Variants in OCA2 observed in about 807,000 individuals in gnomAD.
OCA2 encodes P protein.
OCA2 carries 77 observed loss-of-function variants against 100.2 expected under a neutral mutation model. That is an observed-to-expected ratio of 0.77 (90% CI 0.64 to 0.93). The LOEUF (loss-of-function observed/expected upper bound fraction) is 0.93, where lower values mean the gene tolerates loss of function less well. OCA2 is among the 40% of genes least tolerant of loss of function. OCA2 has a pLI of 0.00. For synonymous variants in OCA2, 432 were observed against 439.2 expected (o/e 0.98, Z 0.21); for missense variants, 1,062 against 1,089.1 (o/e 0.98, Z 0.35).
intron 1 of OCA2, among the ~76,000 whole-genome samples, chr15:28,088,586 G>A (rs927485040): frequency 2.0e-5 from 3 of 152,172 alleles, no homozygotes; most frequent in Non-Finnish European, 4.4e-5. Flanking sequence ...AAGGGAAATA[G>A]TACAAAAGAG....
intron 18 of OCA2, among the ~76,000 whole-genome samples, chr15:27,945,116 A>G (rs189670591): frequency 6.6e-6 from 1 of 152,336 alleles, no homozygotes; most frequent in African/African-American, 2.4e-5. Context: ...CTTAGCTGAA[A>G]TGAATCTTAC....
At chr15:27,740,833 C>T in the OCA2 span, among the ~76,000 whole-genome samples, 4 of 152,340 alleles carry the variant, frequency 2.6e-5, no homozygotes, top group South Asian at 6.2e-4. Context: ...CCTACACAGT[C>T]AGCAGATCTG....
At chr15:28,069,678 G>A (rs978968856) in intron 2 of OCA2, among the ~76,000 whole-genome samples, 25 of 146,442 alleles carry the variant, frequency 1.7e-4, no homozygotes, top group Admixed American at 1.6e-3. Flanking sequence ...TGCCGGGATT[G>A]CAGACGGAGT....
At chr15:27,788,387 T>A (rs1373765181) in intron 23 of OCA2, among the ~76,000 whole-genome samples, 1 of 152,118 alleles carries the variant, frequency 6.6e-6, no homozygotes, top group Non-Finnish European at 1.5e-5. Context: ...GGTATATGTA[T>A]ATGAACAGTT....
chr15:28,014,717 A>G lies in OCA2; in HGVS notation c.1044+59T>C, dbSNP rs4640131. The G allele has an allele frequency of 0.064, 102,080 of 1,584,610 alleles. 5,111 individuals carry two copies. Among genetic ancestry groups the G allele is most frequent in the African/African-American group, 0.22 (16,344 of 74,500 alleles). ...TGAGCCCATCCAGAGTGTCTCACGG[A>G]TCTCAAGCCTCCCTGACTGTGGGCC... On this transcript the variant is annotated intron_variant, in intron 9 of 23. Transcript: ENST00000354638.
intron 19 of OCA2, among the ~76,000 whole-genome samples, chr15:27,898,871 T>C (rs1021541324): frequency 1.3e-5 from 2 of 152,208 alleles, no homozygotes; most frequent in Admixed American, 1.3e-4. Flanking sequence ...ATAAAAATTC[T>C]ACTGAACATG....
chr15:28,063,075 G>C (rs2043923629), intron 2 of OCA2, among the ~76,000 whole-genome samples: 1 of 152,148 alleles, frequency 6.6e-6, no homozygotes, highest in African/African-American at 2.4e-5. Context: ...GGATCAGTGT[G>C]CTGAAAATGT....
At chr15:27,814,915 GAT>G (rs2034224986) in intron 23 of OCA2, among the ~76,000 whole-genome samples, 5 of 149,472 alleles carry the variant, frequency 3.3e-5, no homozygotes, top group South Asian at 2.2e-4. Flanking sequence ...TAGATAGATA[GAT>G]AGATAGATAG....
intron 2 of OCA2, among the ~76,000 whole-genome samples, chr15:28,044,810 A>G (rs2043301384): frequency 6.6e-6 from 1 of 152,050 alleles, no homozygotes; most frequent in Non-Finnish European, 1.5e-5. Flanking sequence ...ACTTTTTCTG[A>G]TATTAATATA....
chr15:28,018,248 C>T, intron 7 of OCA2, 149 bp downstream of exon 7: 1 of 732,818 alleles, frequency 1.4e-6, no homozygotes, highest in Non-Finnish European at 2.3e-6. Context: ...ATTTCAAAGA[C>T]AAAGCAAAAG....
At chr15:27,849,555 T>G (rs1411877922) in intron 22 of OCA2, among the ~76,000 whole-genome samples, 1 of 118,272 alleles carries the variant, frequency 8.5e-6, no homozygotes, top group Non-Finnish European at 1.8e-5. Context: ...AAAAAAAAAG[T>G]TGTTTCAAAG....
intron 19 of OCA2, among the ~76,000 whole-genome samples, chr15:27,885,683 C>T (rs953757173): frequency 2.0e-5 from 3 of 152,098 alleles, no homozygotes; most frequent in Non-Finnish European, 2.9e-5. Flanking sequence ...TATAAGTACA[C>T]GTATTTCAAA....
Position 27,824,602 on chromosome 15 carries a change from C to CTCTCTCTATATA in OCA2, c.2432+20356_2432+20357insTATATAGAGAGA. Among the ~76,000 whole-genome samples the CTCTCTCTATATA allele has an allele frequency of 2.5e-4, 12 of 47,598 alleles. 1 individual carries two copies. In the South Asian group the frequency reaches 7.7e-3, roughly 30 times the overall value. 31.2% of individuals were successfully genotyped at this position (47,598 alleles called of 152,430 possible). ...TTTCTCTCTCTCTCTCTCTCTCTCT[C>CTCTCTCTATATA]TATATATATATATATATATAATATA... On this transcript the variant is annotated intron_variant, in intron 23 of 23. Transcript: ENST00000354638.
chr15:27,925,630 C>A (rs2039016178), intron 19 of OCA2, among the ~76,000 whole-genome samples: 1 of 152,160 alleles, frequency 6.6e-6, no homozygotes, highest in Non-Finnish European at 1.5e-5. Flanking sequence ...GTTAGTAAAC[C>A]TTTCTGTTTG....
At chr15:27,885,697 G>A (rs1199008950) in intron 19 of OCA2, among the ~76,000 whole-genome samples, 8 of 152,076 alleles carry the variant, frequency 5.3e-5, no homozygotes, top group Non-Finnish European at 8.8e-5. Context: ...TTTCAAAAAC[G>A]TGCAGTCCTC....
chr15:27,937,242 A>G (rs113119833), intron 18 of OCA2, among the ~76,000 whole-genome samples: 3 of 152,304 alleles, frequency 2.0e-5, no homozygotes, highest in African/African-American at 7.2e-5. Context: ...GTCATGTAAT[A>G]CGTTCATTTT....
At chr15:27,719,842 A>C in the OCA2 span, among the ~76,000 whole-genome samples, 1 of 152,086 alleles carries the variant, frequency 6.6e-6, no homozygotes, top group Non-Finnish European at 1.5e-5. Context: ...CTGCATCATG[A>C]TGTGGCAGGA....
chr15:28,037,811 C>T (rs1380116563), intron 2 of OCA2, among the ~76,000 whole-genome samples: 1 of 152,296 alleles, frequency 6.6e-6, no homozygotes, highest in East Asian at 1.9e-4. Context: ...GATGCCATCC[C>T]CCAGCCCTTC....
intron 2 of OCA2, among the ~76,000 whole-genome samples, chr15:28,072,165 A>C (rs1393962624): frequency 6.6e-6 from 1 of 152,068 alleles, no homozygotes; most frequent in Non-Finnish European, 1.5e-5. Flanking sequence ...CAGGAGGTGG[A>C]GACCATCCTG....
Sources: gnomAD v4.1 joint callset for allele counts (sites outside exome capture counted in the v4.1 genomes callset) on GRCh38, gnomAD v4.1.1 for gene constraint, MANE v1.5 for transcripts, NCBI Gene and HGNC (gene_info 2026-07-23, HGNC 2026-07-21) for gene names.